Variants in LARP4 observed in about 807,000 individuals in gnomAD.
LARP4 encodes the protein La ribonucleoprotein 4.
LARP4 carries 29 observed loss-of-function variants against 92.9 expected under a neutral mutation model. The observed-to-expected ratio is 0.31, with a 90% CI of 0.23 to 0.43. The LOEUF (loss-of-function observed/expected upper bound fraction) is 0.43, where lower values mean the gene tolerates loss of function less well. LARP4 is among the 20% of genes least tolerant of loss of function. The pLI, the probability that LARP4 is intolerant of heterozygous loss-of-function variation, is 1.00. For missense variants in LARP4, 732 were observed against 860.0 expected (o/e 0.85, Z 1.86); for synonymous variants, 279 against 284.1 (o/e 0.98, Z 0.18).
chr12:50,472,859 G>T (rs1055045051), intron 13 of LARP4, among the ~76,000 whole-genome samples: 14 of 149,412 alleles, frequency 9.4e-5, no homozygotes, highest in African/African-American at 3.2e-4. Context: ...TCGCACTGTA[G>T]CCCAGGCTGG....
At chr12:50,435,844 C>G (rs1284936423) in intron 5 of LARP4, among the ~76,000 whole-genome samples, 3 of 151,642 alleles carry the variant, frequency 2.0e-5, no homozygotes, top group African/African-American at 7.3e-5. Context: ...GTGCAAATCA[C>G]AGCTCACTGC....
At chr12:50,454,100 C>A (rs55654791) in intron 9 of LARP4, among the ~76,000 whole-genome samples, 1 of 152,000 alleles carries the variant, frequency 6.6e-6, no homozygotes, top group Non-Finnish European at 1.5e-5. Context: ...TTTAGTGTTG[C>A]GAAATGTCAG....
chr12:50,447,881 T>C (rs188054620), intron 8 of LARP4, among the ~76,000 whole-genome samples: 10 of 152,180 alleles, frequency 6.6e-5, no homozygotes, highest in Admixed American at 3.9e-4. Context: ...TTTTCTATTT[T>C]TTTTGAGACG....
At chr12:50,438,454 G>A (rs1950744196) in intron 6 of LARP4, among the ~76,000 whole-genome samples, 1 of 149,548 alleles carries the variant, frequency 6.7e-6, no homozygotes, top group Non-Finnish European at 1.5e-5. Flanking sequence ...TCAAGCCACT[G>A]CACTCTAGCC....
At chr12:50,442,606 A>T (rs941676708) in intron 8 of LARP4, among the ~76,000 whole-genome samples, 2 of 152,208 alleles carry the variant, frequency 1.3e-5, no homozygotes, top group African/African-American at 4.8e-5. Context: ...TCTTATTTGT[A>T]AATGTAATAC....
chr12:50,447,468 T>G (rs1372023088), intron 8 of LARP4, among the ~76,000 whole-genome samples: 1 of 152,208 alleles, frequency 6.6e-6, no homozygotes, highest in Non-Finnish European at 1.5e-5. Context: ...TTAGAGCATT[T>G]TTTTCCTTTT....
chr12:50,469,977 T>C (rs1956726054), intron 13 of LARP4, among the ~76,000 whole-genome samples: 2 of 151,886 alleles, frequency 1.3e-5, no homozygotes, highest in South Asian at 2.1e-4. Context: ...CCCAGCACTG[T>C]GGGGGTCCAA....
intron 6 of LARP4, among the ~76,000 whole-genome samples, chr12:50,440,173 G>T (rs909256290): frequency 6.6e-6 from 1 of 151,518 alleles, no homozygotes; most frequent in Admixed American, 6.6e-5. Flanking sequence ...GGAGTGGCTC[G>T]TGCCTGTAAT....
At chr12:50,405,323 TG>T (rs1361140172) in intron 1 of LARP4, among the ~76,000 whole-genome samples, 1 of 152,124 alleles carries the variant, frequency 6.6e-6, no homozygotes, top group Non-Finnish European at 1.5e-5. Context: ...TACAACAAAT[TG>T]TTTGTAAGTT....
At chr12:50,426,293 A>G (rs1281888604) in intron 1 of LARP4, among the ~76,000 whole-genome samples, 1 of 152,152 alleles carries the variant, frequency 6.6e-6, no homozygotes, top group African/African-American at 2.4e-5. Context: ...ACGTCTTATT[A>G]TGCTGTAATG....
intron 2 of LARP4, 21 bp downstream of exon 2, chr12:50,427,930 C>T (rs1472835312): frequency 3.4e-6 from 5 of 1,475,496 alleles, no homozygotes; most frequent in East Asian, 5.1e-5. Context: ...AATATTTGGT[C>T]ATAAAAATCA....
intron 13 of LARP4, 128 bp from the exon 14 acceptor site, chr12:50,473,287 A>T: frequency 1.6e-6 from 1 of 629,792 alleles, no homozygotes; most frequent in Non-Finnish European, 2.8e-6. Flanking sequence ...GTGATTTTTC[A>T]CCGTGGTTTA....
chr12:50,430,929 C>T (rs749346325), intron 4 of LARP4, among the ~76,000 whole-genome samples: 4 of 152,056 alleles, frequency 2.6e-5, no homozygotes, highest in Non-Finnish European at 4.4e-5. Context: ...TGCAAAGTGT[C>T]GGGATTACAG....
intron 2 of LARP4, 84 bp downstream of exon 2, chr12:50,427,993 C>CTT (rs781256448): frequency 0.094 from 28,498 of 303,684 alleles, 305 homozygotes; most frequent in East Asian, 0.13. Context: ...AGACACATCT[C>CTT]TTTTTTTTTT....
At chr12:50,456,387 T>C (rs1343582123) in intron 10 of LARP4, among the ~76,000 whole-genome samples, 2 of 63,012 alleles carry the variant, frequency 3.2e-5, no homozygotes, top group Admixed American at 1.5e-4. Context: ...GAATACTTTT[T>C]CTAAAAATGC....
At chr12:50,465,442 A>G (rs1029317721) in intron 12 of LARP4, among the ~76,000 whole-genome samples, 3 of 151,520 alleles carry the variant, frequency 2.0e-5, no homozygotes, top group Non-Finnish European at 4.4e-5. Context: ...ATGATGGAGG[A>G]CTAAACATTG....
At chr12:50,457,969 T>C (rs1055238419) in intron 10 of LARP4, among the ~76,000 whole-genome samples, 6 of 151,156 alleles carry the variant, frequency 4.0e-5, no homozygotes, top group African/African-American at 1.5e-4. Context: ...TGTTTTGCCC[T>C]GTCACCCAGG....
At position 50,426,732 on chromosome 12, in the gene LARP4, G is replaced by GTGTGTGTGTGGT. The variant is rs1948838581; in HGVS notation, c.19-1029_19-1028insGTGTGTGTGGTT. Among the ~76,000 whole-genome samples the GTGTGTGTGTGGT allele has an allele frequency of 3.8e-4, 20 of 52,096 alleles. 1 individual carries two copies. The highest frequency in any genetic ancestry group is 6.1e-4 in the Non-Finnish European group (16 of 26,334). The allele number at this position is 52,096 out of a possible 152,430, so 34.2% of individuals were successfully genotyped here. A position where few individuals can be genotyped will look rare whatever the true frequency, so the allele number is the denominator to read the frequency against. On this transcript the variant is annotated intron_variant, in intron 1 of 15. Transcript: ENST00000398473. ...GTGTGTGTGTGTGTGTGTGTGTGTG[G>GTGTGTGTGTGGT]TTTTTTTTTTTTTTTTTTTCTTTTT...
At chr12:50,435,103 TAC>T (rs1365490619) in intron 4 of LARP4, among the ~76,000 whole-genome samples, 8 of 152,188 alleles carry the variant, frequency 5.3e-5, no homozygotes, top group Admixed American at 5.2e-4. Context: ...ACAGTTCAGC[TAC>T]AGTTTTTATC....
Sources: gnomAD v4.1 joint callset for allele counts (sites outside exome capture counted in the v4.1 genomes callset) on GRCh38, gnomAD v4.1.1 for gene constraint, MANE v1.5 for transcripts, NCBI Gene and HGNC (gene_info 2026-07-23, HGNC 2026-07-21) for gene names.